The following FTO variants were observed in gnomAD, a reference collection of about 807,000 sequenced individuals.
FTO encodes FTO alpha-ketoglutarate dependent dioxygenase, also known as alpha-ketoglutarate-dependent dioxygenase FTO.
A neutral mutation model predicts 63.9 loss-of-function variants in FTO; 47 were observed. The ratio of observed to expected loss-of-function variants is 0.74; its 90% CI spans 0.58 to 0.94. The LOEUF (loss-of-function observed/expected upper bound fraction) is 0.94, where lower values mean the gene tolerates loss of function less well. Ranked by LOEUF, FTO falls within the 40% of genes least tolerant of loss-of-function variation. The probability of loss-of-function intolerance (pLI) is 0.00; values close to 1 mark genes in which losing one functional copy is unlikely to be tolerated. For missense variants in FTO, 562 were observed against 618.1 expected, an observed-to-expected ratio of 0.91 and a Z score of 0.96; for synonymous variants, 207 against 224.4, an observed-to-expected ratio of 0.92 and a Z score of 0.69.
In FTO at chr16:53,925,069, T is replaced by TA. The variant is rs763272865; in HGVS notation, c.1240-8900dup. Among the ~76,000 whole-genome samples, 1,135 of 123,468 alleles carry TA rather than the reference T, an allele frequency of 9.2e-3. 12 individuals are homozygous for TA. The highest frequency in any genetic ancestry group is 0.02 in the African/African-American group (679 of 34,114). 81.0% of individuals were successfully genotyped at this position (123,468 alleles called of 152,430 possible). On this transcript the variant is annotated intron_variant, in intron 7 of 8. Transcript: ENST00000471389. ...TTTTTTTCTTTCTTTCTTTTTTTTG[T>TA]AAAAAAAAAAAAAAAAGGAAGGAGA...
intron 8 of FTO, among the ~76,000 whole-genome samples, chr16:54,081,821 G>T (rs2086152087): frequency 1.3e-5 from 2 of 152,258 alleles, no homozygotes; most frequent in Middle Eastern, 3.4e-3. Context: ...CCATTCTGAT[G>T]ATTAAATCTG....
intron 8 of FTO, among the ~76,000 whole-genome samples, chr16:54,099,175 A>G (rs1174949438): frequency 6.6e-6 from 1 of 152,168 alleles, no homozygotes; most frequent in South Asian, 2.1e-4. Flanking sequence ...AATTGCATCA[A>G]ATTGGACCTG....
Position 53,873,850 on chromosome 16 carries a change from C to G in FTO, c.960C>G (p.Thr320=). ...LAGSQPRFSS[T]HRVAECSTGT... Reference sequence around the variant, plus strand: ...GTTCACAACCTCGGTTTAGTTCCACCCACCGAGTGGCAGAGGTAAGTGTAA... The same window carrying G: ...GTTCACAACCTCGGTTTAGTTCCACGCACCGAGTGGCAGAGGTAAGTGTAA... The change falls in exon 5 of 9, where the codon ACC becomes ACG. Residue 320 remains threonine (T), a synonymous_variant. Transcript: ENST00000471389. The G allele has an allele frequency of 6.2e-7, 1 of 1,612,026 alleles. No homozygotes were observed. Among genetic ancestry groups the G allele is most frequent in the Non-Finnish European group, 8.5e-7 (1 of 1,178,334 alleles).
In FTO at chr16:53,751,138, G is replaced by A. The variant is rs147771163; in HGVS notation, c.45+46909G>A. Among the ~76,000 whole-genome samples the A allele has an allele frequency of 1.5e-3, 224 of 152,056 alleles. 1 individual carries two copies. Among genetic ancestry groups the A allele is most frequent in the African/African-American group, 5.3e-3 (219 of 41,396 alleles). On this transcript the variant is annotated intron_variant, in intron 1 of 8. Coordinates refer to ENST00000471389, the MANE Select transcript of FTO (RefSeq NM_001080432.3). ...AATACACTAACACTGGTCAGGAGTG[G>A]TGGCTCACACCTGTAATCCCAGCAC...
chr16:53,931,431 C>T (rs1026905814), intron 7 of FTO, among the ~76,000 whole-genome samples: 2 of 151,392 alleles, frequency 1.3e-5, no homozygotes, highest in Admixed American at 6.6e-5. Context: ...CTCAGCCTCC[C>T]GAATAGCTGG....
At chr16:53,719,631 T>C (rs1348215171) in intron 1 of FTO, among the ~76,000 whole-genome samples, 4 of 145,636 alleles carry the variant, frequency 2.7e-5, no homozygotes, top group East Asian at 2.0e-4. Context: ...GCTGGTAGTC[T>C]GTTTTTTTTT....
chr16:54,083,983 C>A (rs1446812897), intron 8 of FTO, among the ~76,000 whole-genome samples: 1 of 152,130 alleles, frequency 6.6e-6, no homozygotes, highest in African/African-American at 2.4e-5. Flanking sequence ...GCTCCAAAAT[C>A]CAAAACTTTT....
chr16:53,729,501 T>TC (rs2076225047), intron 1 of FTO, among the ~76,000 whole-genome samples: 2 of 106,214 alleles, frequency 1.9e-5, no homozygotes, highest in Non-Finnish European at 2.1e-5. Flanking sequence ...AGACTCCGTA[T>TC]CGGGGGGAAA....
chr16:53,865,727 C>T (rs763833156), intron 4 of FTO, among the ~76,000 whole-genome samples: 3 of 152,180 alleles, frequency 2.0e-5, no homozygotes, highest in Non-Finnish European at 4.4e-5. Context: ...CCTGACTGGC[C>T]TTCTGCTGCC....
chr16:54,108,546 G>T (rs1230121515), intron 8 of FTO, among the ~76,000 whole-genome samples: 2 of 152,130 alleles, frequency 1.3e-5, no homozygotes, highest in African/African-American at 4.8e-5. Context: ...TACGCACCCA[G>T]TTAGTATGAA....
chr16:53,734,885 C>T (rs1209583045), intron 1 of FTO, among the ~76,000 whole-genome samples: 1 of 152,136 alleles, frequency 6.6e-6, no homozygotes, highest in Non-Finnish European at 1.5e-5. Context: ...TCCTGTAAGT[C>T]CCCTAGCACA....
chr16:53,836,221 A>G (rs989440703), intron 3 of FTO, among the ~76,000 whole-genome samples: 2 of 152,170 alleles, frequency 1.3e-5, no homozygotes, highest in African/African-American at 4.8e-5. Flanking sequence ...TTGAAATATG[A>G]CATATATCAT....
rs117170433 is a variant in FTO, at chr16:53,989,939, C to G, written c.1364+55830C>G. ...ACTTAATGAATAGTAAATACATTTT[C>G]TCTTCTTCGTGATTTTCTTAACATT... On this transcript the variant is annotated intron_variant, in intron 8 of 8. Transcript: ENST00000471389. 2.7e-4 allele frequency among the ~76,000 whole-genome samples: 41 copies of G among 151,934 alleles called. 1 individual carries two copies. The East Asian group carries it at 6.8e-3, about 25-fold the overall frequency.
chr16:53,936,868 A>G (rs933425490), intron 8 of FTO, among the ~76,000 whole-genome samples: 4 of 152,218 alleles, frequency 2.6e-5, no homozygotes, highest in Non-Finnish European at 4.4e-5. Flanking sequence ...AGCTGGCAGT[A>G]ACTTTAGTAT....
intron 8 of FTO, among the ~76,000 whole-genome samples, chr16:53,997,688 C>T (rs1267919544): frequency 8.7e-6 from 1 of 114,536 alleles, no homozygotes; most frequent in African/African-American, 4.1e-5. Flanking sequence ...ATATTTTTGC[C>T]ATATTTGATT....
chr16:54,024,911 A>T (rs2084681140), intron 8 of FTO, among the ~76,000 whole-genome samples: 2 of 152,250 alleles, frequency 1.3e-5, no homozygotes, highest in African/African-American at 4.8e-5. Flanking sequence ...ACTAGTCAAT[A>T]GATTTTATAA....
chr16:54,049,239 G>A (rs1410139864), intron 8 of FTO, among the ~76,000 whole-genome samples: 1 of 152,190 alleles, frequency 6.6e-6, no homozygotes, highest in East Asian at 1.9e-4. Context: ...CAGCAAGCCT[G>A]TCAGCAGTTT....
intron 3 of FTO, among the ~76,000 whole-genome samples, chr16:53,833,653 G>A (rs7188989): frequency 0.061 from 9,288 of 152,110 alleles, 728 homozygotes; most frequent in East Asian, 0.33. Flanking sequence ...AGGAACTGCT[G>A]TACTGTTTTC....
chr16:53,967,979 T>G (rs1473579371), intron 8 of FTO, among the ~76,000 whole-genome samples: 3 of 152,210 alleles, frequency 2.0e-5, no homozygotes, highest in African/African-American at 7.2e-5. Context: ...ATTTATGAAA[T>G]TATCATTTAA....
Sources: allele counts gnomAD v4.1 joint callset (sites outside exome capture counted in the v4.1 genomes callset), GRCh38; gene constraint gnomAD v4.1.1; transcripts MANE v1.5; gene names NCBI Gene and HGNC (gene_info 2026-07-23, HGNC 2026-07-21).